The following PRKCA variants were observed in gnomAD, a reference collection of about 807,000 sequenced individuals.
PRKCA encodes the protein protein kinase C alpha.
In PRKCA, 27 loss-of-function variants were observed where a neutral mutation model predicts 87.0. That is an observed-to-expected ratio of 0.31 (90% CI 0.23 to 0.43). The LOEUF (loss-of-function observed/expected upper bound fraction) is 0.43. Ranked by LOEUF, PRKCA falls within the 20% of genes least tolerant of loss-of-function variation. PRKCA has a pLI of 1.00. For missense variants in PRKCA, 518 were observed against 852.3 expected (o/e 0.61, Z 4.88); for synonymous variants, 329 against 311.1 (o/e 1.06, Z -0.61).
chr17:66,334,463 A>G (rs1567776705), intron 2 of PRKCA, among the ~76,000 whole-genome samples: 1 of 152,198 alleles, frequency 6.6e-6, no homozygotes, highest in East Asian at 1.9e-4. Flanking sequence ...AAAAATGGGC[A>G]AAGGACTTGA....
At chr17:66,588,869 G>C (rs966865641) in intron 3 of PRKCA, among the ~76,000 whole-genome samples, 2 of 151,866 alleles carry the variant, frequency 1.3e-5, no homozygotes, top group African/African-American at 4.8e-5. Context: ...TCGAACTACT[G>C]ATCTCAGGTA....
intron 2 of PRKCA, among the ~76,000 whole-genome samples, chr17:66,439,402 G>A (rs546375167): frequency 5.0e-4 from 76 of 152,166 alleles, no homozygotes; most frequent in Middle Eastern, 3.4e-3. Context: ...GGCTGGTCTC[G>A]AACTCCTGAC....
At chr17:66,411,721 C>T (rs1188450081) in intron 2 of PRKCA, among the ~76,000 whole-genome samples, 2 of 152,056 alleles carry the variant, frequency 1.3e-5, no homozygotes, top group South Asian at 2.1e-4. Flanking sequence ...CACTAGCGGC[C>T]GTCCTGATCT....
At chr17:66,665,504 G>GGGTTTCA (rs1555633135) in intron 5 of PRKCA, among the ~76,000 whole-genome samples, 1 of 151,428 alleles carries the variant, frequency 6.6e-6, no homozygotes, top group Non-Finnish European at 1.5e-5. Context: ...TGGCAAGAGG[G>GGGTTTCA]GGTCCAAGTA....
At chr17:66,657,070 A>T (rs1328973246) in intron 5 of PRKCA, among the ~76,000 whole-genome samples, 1 of 152,234 alleles carries the variant, frequency 6.6e-6, no homozygotes, top group Non-Finnish European at 1.5e-5. Context: ...CCAATTGGAA[A>T]GATTCAGATT....
intron 13 of PRKCA, among the ~76,000 whole-genome samples, chr17:66,752,219 C>T (rs1257613099): frequency 6.6e-5 from 10 of 152,210 alleles, no homozygotes; most frequent in Admixed American, 3.9e-4. Flanking sequence ...GGGAGCACTC[C>T]GGAAAGCCTT....
intron 1 of PRKCA, among the ~76,000 whole-genome samples, chr17:66,304,271 T>C (rs896687898): frequency 6.6e-6 from 1 of 152,170 alleles, no homozygotes; most frequent in African/African-American, 2.4e-5. Context: ...ACAGCTTTCA[T>C]CTGATCCTCA....
intron 8 of PRKCA, among the ~76,000 whole-genome samples, chr17:66,731,315 CT>C (rs1004597102): frequency 1.2e-4 from 17 of 147,576 alleles, no homozygotes; most frequent in African/African-American, 4.3e-4. Context: ...CTGCACTGCG[CT>C]TCAGCCTGGG....
chr17:66,514,805 CCAGCAGTTTCCATTT>C (rs141446669), intron 3 of PRKCA, among the ~76,000 whole-genome samples: 1,673 of 152,256 alleles, frequency 0.011, 26 homozygotes, highest in African/African-American at 0.037. Flanking sequence ...CAATTCCATT[CCAGCAGTTTCCATTT>C]ACATCATCTT....
intron 3 of PRKCA, among the ~76,000 whole-genome samples, chr17:66,633,143 G>A (rs770472634): frequency 4.6e-5 from 7 of 152,174 alleles, no homozygotes; most frequent in African/African-American, 1.2e-4. Flanking sequence ...AGACCCAGCC[G>A]CCTGAGAAGG....
chr17:66,449,707 G>C (rs1449042861), intron 2 of PRKCA, among the ~76,000 whole-genome samples: 2 of 152,194 alleles, frequency 1.3e-5, no homozygotes, highest in Admixed American at 6.5e-5. Context: ...AGGACAGGGG[G>C]CTGGCTTCCA....
At position 66,803,795 on chromosome 17, in the gene PRKCA, C is replaced by T. The variant is rs1372422270; in HGVS notation, c.1855-78C>T. The stretch of plus-strand genomic sequence containing the variant: ...GAGTTCCCCAGGGCCGTGCCCCTCC[C>T]CAGAGAGGGCCCTCGGAGAGCTGCT... On this transcript the variant is annotated intron_variant, in intron 16 of 16. Coordinates refer to ENST00000413366, the MANE Select transcript of PRKCA (RefSeq NM_002737.3). This position sits in a 1 kb window ranked among gnomAD's most constrained non-coding sequence, Gnocchi z 4.4. 1.9e-6 allele frequency: 3 copies of T among 1,565,508 alleles called. No individual in the cohort carries two copies. Among genetic ancestry groups the T allele is most frequent in the East Asian group, 4.5e-5 (2 of 44,294 alleles).
At chr17:66,531,882 C>T (rs1967554410) in intron 3 of PRKCA, among the ~76,000 whole-genome samples, 1 of 152,154 alleles carries the variant, frequency 6.6e-6, no homozygotes, top group African/African-American at 2.4e-5. Flanking sequence ...TTTCCTTCCC[C>T]AGACCTCATA....
chr17:66,479,484 C>T (rs372746800), intron 2 of PRKCA, among the ~76,000 whole-genome samples: 9 of 152,088 alleles, frequency 5.9e-5, no homozygotes, highest in African/African-American at 1.7e-4. Flanking sequence ...TGCCATTTGA[C>T]CCAGCAATCC....
intron 3 of PRKCA, among the ~76,000 whole-genome samples, chr17:66,540,864 C>T (rs80075063): frequency 0.068 from 10,376 of 152,186 alleles, 440 homozygotes; most frequent in African/African-American, 0.11. Flanking sequence ...GGACCTATTC[C>T]GTTGTATATT....
chr17:66,482,686 C>T (rs372427262), intron 2 of PRKCA, among the ~76,000 whole-genome samples: 2 of 152,152 alleles, frequency 1.3e-5, no homozygotes, highest in Non-Finnish European at 2.9e-5. Context: ...ATGATTACAA[C>T]GGCAGGTACC....
intron 11 of PRKCA, among the ~76,000 whole-genome samples, chr17:66,739,216 G>A (rs1338907910): frequency 1.3e-5 from 2 of 152,196 alleles, no homozygotes; most frequent in Non-Finnish European, 2.9e-5. Context: ...GGTGAAATGG[G>A]AAAGTGGGAT....
At chr17:66,401,776 G>A (rs1168217911) in intron 2 of PRKCA, among the ~76,000 whole-genome samples, 2 of 152,198 alleles carry the variant, frequency 1.3e-5, no homozygotes, top group Non-Finnish European at 2.9e-5. Context: ...ATAACCCACA[G>A]ATTTCTGGCA....
At chr17:66,323,537 C>G (rs376620449) in intron 2 of PRKCA, among the ~76,000 whole-genome samples, 2 of 152,172 alleles carry the variant, frequency 1.3e-5, no homozygotes, top group East Asian at 3.9e-4. Context: ...TCAGAGGTTT[C>G]TCTAAATGTA....
Sources: allele counts gnomAD v4.1 joint callset (sites outside exome capture counted in the v4.1 genomes callset), GRCh38; gene constraint gnomAD v4.1.1; non-coding constraint Gnocchi (gnomAD v3.1); transcripts MANE v1.5; gene names NCBI Gene and HGNC (gene_info 2026-07-23, HGNC 2026-07-21).